The following EML4 variants were observed in gnomAD, a reference collection of about 807,000 sequenced individuals.
EML4 encodes the protein echinoderm microtubule-associated protein-like 4.
Under a neutral mutation model 129.0 loss-of-function variants are expected in EML4, and 72 were observed. That is an observed-to-expected ratio of 0.56 (90% CI 0.46 to 0.68). The LOEUF is 0.68. EML4 is among the 30% of genes least tolerant of loss of function. The pLI, the probability that EML4 is intolerant of heterozygous loss-of-function variation, is 0.00. For missense variants in EML4, 1,363 were observed against 1,190.6 expected, an observed-to-expected ratio of 1.14 and a Z score of -2.13; for synonymous variants, 532 against 405.0, an observed-to-expected ratio of 1.31 and a Z score of -3.77.
intron 1 of EML4, among the ~76,000 whole-genome samples, chr2:42,244,270 T>C (rs1262939970): frequency 6.6e-6 from 1 of 152,036 alleles, no homozygotes; most frequent in East Asian, 1.9e-4. Context: ...GGCTAATTTT[T>C]TGTATTTTAA....
At position 42,329,906 on chromosome 2, in the gene EML4, C is replaced by G; in HGVS notation, c.2645C>G (p.Thr882Ser). The change falls in exon 23 of 23, where the codon ACC becomes AGC. Residue 882 changes from threonine (T) to serine (S), a missense_variant. Transcript: ENST00000318522. ...GAGACTGTAGCGGATACTACTCTAACCAAAGCCCCCGTCTCTTCCACTGAA... is the reference window on the plus strand; with the variant it reads ...GAGACTGTAGCGGATACTACTCTAAGCAAAGCCCCCGTCTCTTCCACTGAA... ...QNETVADTTL[T>S]KAPVSSTESV... is the part of the protein sequence containing the mutation. The G allele has an allele frequency of 6.2e-7, 1 of 1,614,040 alleles. No homozygotes were observed. The highest frequency in any genetic ancestry group is 8.5e-7 in the Non-Finnish European group (1 of 1,180,018).
At chr2:42,279,311 G>C (rs905260190) in intron 6 of EML4, among the ~76,000 whole-genome samples, 5 of 152,138 alleles carry the variant, frequency 3.3e-5, no homozygotes, top group African/African-American at 1.2e-4. Flanking sequence ...AAAATACCCA[G>C]TAGTGGGATT....
chr2:42,194,349 T>C (rs201116377), intron 1 of EML4, among the ~76,000 whole-genome samples: 7 of 109,780 alleles, frequency 6.4e-5, no homozygotes, highest in African/African-American at 1.0e-4. Context: ...CTCTCTCTCT[T>C]TTTTTTTTTT....
At chr2:42,265,090 A>G (rs1665980729) in intron 6 of EML4, 6 of 830,574 alleles carry the variant, frequency 7.2e-6, no homozygotes, top group Non-Finnish European at 1.1e-5. Context: ...GAATCCAGCT[A>G]CATTTTACTT....
intron 1 of EML4, among the ~76,000 whole-genome samples, chr2:42,208,569 G>C (rs1672698126): frequency 6.6e-6 from 1 of 151,442 alleles, no homozygotes. Flanking sequence ...AAGTAGCTGA[G>C]ATTACAGGCA....
intron 1 of EML4, among the ~76,000 whole-genome samples, chr2:42,201,606 C>T (rs1672237568): frequency 6.6e-6 from 1 of 152,110 alleles, no homozygotes; most frequent in East Asian, 1.9e-4. Flanking sequence ...ATGGAAGTGC[C>T]CATCAGTAGA....
At chr2:42,222,520 G>A (rs562700910) in intron 1 of EML4, among the ~76,000 whole-genome samples, 2 of 152,238 alleles carry the variant, frequency 1.3e-5, no homozygotes, top group African/African-American at 4.8e-5. Flanking sequence ...TGCTGCCACA[G>A]CAGAGTCCAG....
At chr2:42,326,948 T>C (rs1669840779) in intron 21 of EML4, among the ~76,000 whole-genome samples, 1 of 152,172 alleles carries the variant, frequency 6.6e-6, no homozygotes, top group Non-Finnish European at 1.5e-5. Context: ...CAAGGTCTAA[T>C]TTTAGAACAT....
intron 17 of EML4, among the ~76,000 whole-genome samples, chr2:42,312,310 G>A (rs1669002217): frequency 6.6e-6 from 1 of 151,668 alleles, no homozygotes. Flanking sequence ...AAATTAACCT[G>A]AAAAACTGGT....
At chr2:42,259,644 A>G (rs548162239) in intron 3 of EML4, among the ~76,000 whole-genome samples, 97 of 152,056 alleles carry the variant, frequency 6.4e-4, no homozygotes, top group Non-Finnish European at 2.5e-4. Context: ...CAGAAATGAA[A>G]GGAGTAAGAA....
Position 42,303,431 on chromosome 2 carries a change from G to T in EML4, c.1884G>T (p.Trp628Cys). The T allele has an allele frequency of 1.2e-6, 2 of 1,613,836 alleles. No homozygotes were observed. The highest frequency in any genetic ancestry group is 2.2e-5 in the South Asian group (2 of 90,952). Residue 628 changes from tryptophan (W) to cysteine (C), a missense_variant, in exon 16 of 23, where the codon TGG (tryptophan) becomes TGT (cysteine). Physicochemically the swap from Trp to Cys is radical, Grantham distance 215 (BLOSUM62 -2). Coordinates refer to ENST00000318522, the MANE Select transcript of EML4 (RefSeq NM_019063.5). ...LWNSMEHRLE[W>C]TRLVDEPGHC... ...ACTCAATGGAACACAGGCTGGAATG[G>T]ACCAGGCTGGTAGATGTGAGTGAAG...
chr2:42,278,519 A>G (rs1333593548), intron 6 of EML4, among the ~76,000 whole-genome samples: 1 of 129,462 alleles, frequency 7.7e-6, no homozygotes, highest in Non-Finnish European at 1.5e-5. Flanking sequence ...GGTTGCGGTG[A>G]GCCGAGCTCA....
Position 42,330,266 on chromosome 2 carries a change from C to T in EML4, c.*59C>T. On this transcript the variant is annotated 3_prime_UTR_variant, in exon 23 of 23. Transcript: ENST00000318522. ...CTGCATGTGATTTTGTGATAAAGTT[C>T]AGGTAACAGGATGGGCAGTGATGGA... 6.7e-7 allele frequency: 1 copy of T among 1,484,660 alleles called. No individual in the cohort carries two copies. Among genetic ancestry groups the T allele is most frequent in the African/African-American group, 1.4e-5 (1 of 72,340 alleles). 92.0% of individuals were successfully genotyped at this position (1,484,660 alleles called of 1,614,324 possible). A position where few individuals can be genotyped will look rare whatever the true frequency, so the allele number is the denominator to read the frequency against.
intron 5 of EML4, among the ~76,000 whole-genome samples, chr2:42,264,103 G>GCT (rs1324184671): frequency 9.9e-6 from 1 of 100,748 alleles, no homozygotes; most frequent in East Asian, 3.1e-4. Flanking sequence ...AACAATACGT[G>GCT]TTTTTTTTTT....
intron 8 of EML4, 54 bp downstream of exon 8, chr2:42,283,026 A>G (rs1407392302): frequency 2.7e-6 from 4 of 1,483,464 alleles, no homozygotes; most frequent in South Asian, 1.3e-5. Context: ...CTCATTTTGT[A>G]TTTTTTAAAT....
intron 1 of EML4, among the ~76,000 whole-genome samples, chr2:42,239,527 A>C (rs1161528490): frequency 6.6e-6 from 1 of 152,224 alleles, no homozygotes; most frequent in African/African-American, 2.4e-5. Flanking sequence ...CATGCCGGTA[A>C]ATAGATCAGA....
At position 42,299,470 on chromosome 2, in the gene EML4, A is replaced by G. The variant is rs149800948; in HGVS notation, c.1490-1771A>G. On this transcript the variant is annotated intron_variant, in intron 13 of 22. Transcript: ENST00000318522. Reference sequence around the variant, plus strand: ...ATATTTACAAGGTTGTGCAGCCATCACCACTATCTGACCTAAGGACATTTT... The same window carrying G: ...ATATTTACAAGGTTGTGCAGCCATCGCCACTATCTGACCTAAGGACATTTT... Among the ~76,000 whole-genome samples, 555 of 152,270 alleles carry G rather than the reference A, an allele frequency of 3.6e-3. 3 individuals carry two copies. The highest frequency in any genetic ancestry group is 0.012 in the African/African-American group (510 of 41,558).
At chr2:42,186,376 T>C (rs1256894042) in intron 1 of EML4, among the ~76,000 whole-genome samples, 1 of 152,248 alleles carries the variant, frequency 6.6e-6, no homozygotes, top group Non-Finnish European at 1.5e-5. Context: ...GTAAATATTT[T>C]TAATGCCTTT....
intron 1 of EML4, among the ~76,000 whole-genome samples, chr2:42,236,240 A>G (rs1674666139): frequency 6.6e-6 from 1 of 152,240 alleles, no homozygotes; most frequent in Admixed American, 6.5e-5. Flanking sequence ...GAGATTCAAA[A>G]TGATGTTGCA....
Sources: gnomAD v4.1 joint callset for allele counts (sites outside exome capture counted in the v4.1 genomes callset) on GRCh38, gnomAD v4.1.1 for gene constraint, MANE v1.5 for transcripts, NCBI Gene and HGNC (gene_info 2026-07-23, HGNC 2026-07-21) for gene names.